CDH13: variants seen among roughly 807,000 people sequenced by gnomAD.
CDH13 encodes cadherin 13.
In CDH13, 24 loss-of-function variants were observed where a neutral mutation model predicts 63.8. The ratio of observed to expected loss-of-function variants is 0.38; its 90% confidence interval spans 0.27 to 0.53. The LOEUF is 0.53. CDH13 is among the 20% of genes least tolerant of loss of function. The pLI, the probability that CDH13 is intolerant of heterozygous loss-of-function variation, is 0.85. For missense variants in CDH13, 1,049 were observed against 903.1 expected, an observed-to-expected ratio of 1.16 and a Z score of -2.07; for synonymous variants, 503 against 355.3, an observed-to-expected ratio of 1.42 and a Z score of -4.67.
At chr16:83,024,059 T>G (rs1165361330) in intron 2 of CDH13, among the ~76,000 whole-genome samples, 4 of 152,168 alleles carry the variant, frequency 2.6e-5, no homozygotes, top group African/African-American at 9.7e-5. Context: ...ATCTGATATT[T>G]GGATATCATA....
chr16:83,583,483 G>A (rs753693984), intron 7 of CDH13, among the ~76,000 whole-genome samples: 3 of 152,200 alleles, frequency 2.0e-5, no homozygotes, highest in Non-Finnish European at 4.4e-5. Context: ...AACTGTAATA[G>A]CTTCCACTTG....
intron 1 of CDH13, among the ~76,000 whole-genome samples, chr16:82,830,097 T>C (rs62037963): frequency 2.6e-5 from 4 of 152,160 alleles, no homozygotes; most frequent in African/African-American, 7.2e-5. Context: ...TACTTTTTTT[T>C]CCCCCAGATG....
At chr16:82,740,772 C>T (rs565411042) in intron 1 of CDH13, among the ~76,000 whole-genome samples, 1 of 152,272 alleles carries the variant, frequency 6.6e-6, no homozygotes, top group South Asian at 2.1e-4. Context: ...CAGTCACTTC[C>T]ACCCACTGGG....
At chr16:82,670,818 C>T (rs556721695) in intron 1 of CDH13, among the ~76,000 whole-genome samples, 3 of 152,324 alleles carry the variant, frequency 2.0e-5, no homozygotes, top group Admixed American at 6.5e-5. Context: ...CATTTCAGAA[C>T]ATCTGGCCCT....
chr16:82,689,954 G>A (rs1268499441), intron 1 of CDH13, among the ~76,000 whole-genome samples: 1 of 114,120 alleles, frequency 8.8e-6, no homozygotes, highest in Non-Finnish European at 1.6e-5. Flanking sequence ...ACACCAGCCT[G>A]ACCAACATGG....
chr16:82,643,316 C>A (rs1020517098), intron 1 of CDH13, among the ~76,000 whole-genome samples: 3 of 152,230 alleles, frequency 2.0e-5, no homozygotes, highest in Admixed American at 6.5e-5. Context: ...ACCTGTCTTA[C>A]AGTTGTTCAC....
chr16:83,050,452 A>G lies in CDH13; in HGVS notation c.366+18234A>G, dbSNP rs1206814478. Among the ~76,000 whole-genome samples the G allele has an allele frequency of 2.6e-5, 4 of 152,270 alleles. No homozygotes were observed. The East Asian group carries it at 7.7e-4, about 29-fold the overall frequency. On this transcript the variant is annotated intron_variant, in intron 3 of 13. Transcript: ENST00000567109. ...GAAATGCTCTTCCGTTTGCTGTTTA[A>G]GACACCATACTGTCCTTGTTCTCCC...
intron 5 of CDH13, among the ~76,000 whole-genome samples, chr16:83,249,077 G>A (rs1905237898): frequency 6.6e-6 from 1 of 152,208 alleles, no homozygotes; most frequent in Admixed American, 6.5e-5. Context: ...TTTGAGTAGA[G>A]CAGTACTACT....
chr16:83,349,581 CATTATTATTATT>C (rs59255073), intron 6 of CDH13, among the ~76,000 whole-genome samples: 1 of 145,056 alleles, frequency 6.9e-6, no homozygotes. Flanking sequence ...ACTTGAGGTG[CATTATTATTATT>C]ATTATTATTA....
intron 8 of CDH13, among the ~76,000 whole-genome samples, chr16:83,629,976 G>A (rs140294441): frequency 7.2e-5 from 11 of 152,314 alleles, no homozygotes; most frequent in East Asian, 3.9e-4. Context: ...TTTAGCTGCC[G>A]TATTTCATAG....
At chr16:83,094,239 T>G (rs12933133) in intron 3 of CDH13, among the ~76,000 whole-genome samples, 56,505 of 152,052 alleles carry the variant, frequency 0.37, 11,918 homozygotes, top group Middle Eastern at 0.57. Context: ...ATCTGAGCAC[T>G]TGTGACCCCT....
intron 1 of CDH13, chr16:82,646,448 C>T (rs377475957): frequency 7.9e-5 from 12 of 152,208 alleles, no homozygotes; most frequent in African/African-American, 2.7e-4. Flanking sequence ...CTCGCCTCGA[C>T]CTCCCAAAGT....
intron 5 of CDH13, among the ~76,000 whole-genome samples, chr16:83,323,912 G>A (rs975186566): frequency 3.9e-4 from 60 of 152,116 alleles, no homozygotes; most frequent in African/African-American, 1.4e-3. Context: ...CCCCTTAGAG[G>A]TTTTAAACAG....
chr16:83,311,271 A>G (rs895230429), intron 5 of CDH13, among the ~76,000 whole-genome samples: 7 of 152,126 alleles, frequency 4.6e-5, no homozygotes, highest in African/African-American at 9.7e-5. Flanking sequence ...TCAACTTCTT[A>G]TCAGGATGTG....
At chr16:83,014,818 A>ATATATGTATTTG (rs1914578315) in intron 2 of CDH13, among the ~76,000 whole-genome samples, 3 of 74,252 alleles carry the variant, frequency 4.0e-5, no homozygotes, top group Non-Finnish European at 7.6e-5. Flanking sequence ...ATATATTTGT[A>ATATATGTATTTG]TATATATATT....
chr16:82,717,180 G>A (rs866837734), intron 1 of CDH13, among the ~76,000 whole-genome samples: 7 of 152,022 alleles, frequency 4.6e-5, no homozygotes, highest in African/African-American at 1.7e-4. Flanking sequence ...CTGAGCCCTG[G>A]CCCAACAAGG....
intron 8 of CDH13, among the ~76,000 whole-genome samples, chr16:83,634,898 A>G (rs550068143): frequency 1.3e-5 from 2 of 152,290 alleles, no homozygotes; most frequent in Non-Finnish European, 2.9e-5. Context: ...CACCCTGAAT[A>G]TTTGTGTAAG....
At chr16:83,104,834 T>G (rs1262174188) in intron 3 of CDH13, among the ~76,000 whole-genome samples, 1 of 152,120 alleles carries the variant, frequency 6.6e-6, no homozygotes, top group Non-Finnish European at 1.5e-5. Flanking sequence ...AAACAAGCCA[T>G]GTAGATAAAA....
chr16:83,502,092 GA>G (rs2074296619), intron 7 of CDH13, among the ~76,000 whole-genome samples: 1 of 152,198 alleles, frequency 6.6e-6, no homozygotes, highest in South Asian at 2.1e-4. Flanking sequence ...CTGTGTGGAA[GA>G]CAGAATAATG....
Sources: allele counts gnomAD v4.1 joint callset (sites outside exome capture counted in the v4.1 genomes callset), GRCh38; gene constraint gnomAD v4.1.1; transcripts MANE v1.5; gene names NCBI Gene and HGNC (gene_info 2026-07-23, HGNC 2026-07-21).